Variants in SLC25A3 observed in about 807,000 individuals in gnomAD.
The protein encoded by SLC25A3 is solute carrier family 25 member 3.
Under a neutral mutation model 37.1 loss-of-function variants are expected in SLC25A3, and 14 were observed. That is an observed-to-expected ratio of 0.38 (90% CI 0.25 to 0.59). The LOEUF (loss-of-function observed/expected upper bound fraction) is 0.59. SLC25A3 is among the 20% of genes least tolerant of loss of function. The pLI, the probability that SLC25A3 is intolerant of heterozygous loss-of-function variation, is 0.67. For synonymous variants in SLC25A3, 161 were observed against 168.7 expected, an observed-to-expected ratio of 0.95 and a Z score of 0.36; for missense variants, 385 against 458.1, an observed-to-expected ratio of 0.84 and a Z score of 1.46.
In SLC25A3 at chr12:98,603,488, A is replaced by G. The variant is rs1475337117; in HGVS notation, c.*1960A>G. Reference sequence around the variant, plus strand: ...CCCAGATTGAGGAAAAAAGGAACATAGTCTCTACCTCTTCCTGAGAGGAAA... The same window carrying G: ...CCCAGATTGAGGAAAAAAGGAACATGGTCTCTACCTCTTCCTGAGAGGAAA... On this transcript the variant is annotated 3_prime_UTR_variant, in exon 8 of 8. Transcript: ENST00000552981. 6.6e-6 allele frequency: 1 copy of G among 152,198 alleles called. No individual in the cohort carries two copies. The highest frequency in any genetic ancestry group is 6.5e-5 in the Admixed American group (1 of 15,270). The allele number at this position is 152,198 out of a possible 1,614,324, so 9.4% of individuals were successfully genotyped here.
chr12:98,595,541 T>G (rs1317878731), intron 2 of SLC25A3, 186 bp from the exon 3 acceptor site: 1 of 1,614,200 alleles, frequency 6.2e-7, no homozygotes, highest in Non-Finnish European at 8.5e-7. Flanking sequence ...CTAGATCTGG[T>G]TAAATGCAGA....
At position 98,600,094 on chromosome 12, in the gene SLC25A3, C is replaced by A. The variant is rs762467445; in HGVS notation, c.781C>A (p.Gln261Lys). Residue 261 changes from glutamine (Q) to lysine (K), a missense_variant, in exon 6 of 8, where the codon CAG (glutamine) becomes AAG (lysine). Gln to Lys is a moderately conservative substitution (Grantham distance 53). Coordinates refer to ENST00000552981, the MANE Select transcript of SLC25A3 (RefSeq NM_002635.4). ...KPRSECSKPE[Q>K]LVVTFVAGYI... is the part of the protein sequence containing the mutation. The stretch of plus-strand genomic sequence containing the variant: ...CCGCAGTGAATGTTCAAAGCCAGAG[C>A]AGCTGGTTGTAACATTTGTAGCAGG... 1 of 1,613,604 alleles carries A rather than the reference C, an allele frequency of 6.2e-7. No individual in the cohort carries two copies. Among genetic ancestry groups the A allele is most frequent in the Non-Finnish European group, 8.5e-7 (1 of 1,179,448 alleles).
In SLC25A3 at chr12:98,594,108, C is replaced by T. The variant is rs1044154623; in HGVS notation, c.130C>T (p.Arg44Cys). The change falls in exon 2 of 8, where the codon CGC becomes TGC. Residue 44 changes from arginine (R) to cysteine (C), a missense_variant. Physicochemically the swap from Arg to Cys is radical, Grantham distance 180. Coordinates refer to ENST00000552981, the MANE Select transcript of SLC25A3 (RefSeq NM_002635.4). ...PGPTGQPRRP[R>C]NLAAAAVEEY... Reference sequence around the variant, plus strand: ...GCCCACGGGCCAGCCCCGCCGCCCTCGCAACCTGGCAGCCGCCGCCGTGGA... The same window carrying T: ...GCCCACGGGCCAGCCCCGCCGCCCTTGCAACCTGGCAGCCGCCGCCGTGGA... The T allele has an allele frequency of 6.2e-7, 1 of 1,611,540 alleles. No homozygotes were observed. The highest frequency in any genetic ancestry group is 1.3e-5 in the African/African-American group (1 of 74,904).
rs771278101 is a variant in SLC25A3, at chr12:98,598,684, A to G, written c.622A>G (p.Lys208Glu). 2 of 1,613,978 alleles carry G rather than the reference A, an allele frequency of 1.2e-6. No homozygotes were observed. Among genetic ancestry groups the G allele is most frequent in the South Asian group, 1.1e-5 (1 of 91,074 alleles). ...TLRDAAPKMY[K>E]EEGLKAFYKG... ...GAGGGATGCAGCTCCCAAAATGTAT[A>G]AGGAAGAAGGCCTAAAAGCGTAAGT... The change falls in exon 5 of 8, where the codon AAG becomes GAG. Residue 208 changes from lysine to glutamate, a missense_variant. By Grantham distance (56) the Lys-to-Glu change is moderately conservative (BLOSUM62 1). Around this residue, in one of 2 missense-constraint regions of SLC25A3, gnomAD observed 276 missense variants for 367.6 expected, o/e 0.75. Transcript: ENST00000552981.
chr12:98,598,704 G>GT lies in SLC25A3; in HGVS notation c.641+2dup. ...TGTATAAGGAAGAAGGCCTAAAAGC[G>GT]TAAGTAAACACTTAAAAATTTATAC... On this transcript the variant is annotated splice_donor_variant, in intron 5 of 7. Transcript: ENST00000552981. LOFTEE classifies it high-confidence loss of function. 1 of 1,611,596 alleles carries GT rather than the reference G, an allele frequency of 6.2e-7. No individual in the cohort carries two copies. The highest frequency in any genetic ancestry group is 8.5e-7 in the Non-Finnish European group (1 of 1,178,096).
In SLC25A3 at chr12:98,598,235, A is replaced by C. The variant is rs1592977357; in HGVS notation, c.459+200A>C. On this transcript the variant is annotated intron_variant, in intron 4 of 7. Coordinates refer to ENST00000552981, the MANE Select transcript of SLC25A3 (RefSeq NM_002635.4). Reference sequence around the variant, plus strand: ...ATTAAATTACAATTCTCCTTTTAATATACTATCTTGTTTTCTAAGTAAGTT... The same window carrying C: ...ATTAAATTACAATTCTCCTTTTAATCTACTATCTTGTTTTCTAAGTAAGTT... The C allele has an allele frequency of 7.4e-6, 5 of 678,090 alleles. No homozygotes were observed. The East Asian group carries it at 1.4e-4, about 18-fold the overall frequency. The allele number at this position is 678,090 out of a possible 1,614,324, so 42.0% of individuals were successfully genotyped here.
At chr12:98,595,513 C>A in intron 2 of SLC25A3, 1 of 1,613,892 alleles carries the variant, frequency 6.2e-7, no homozygotes, top group East Asian at 2.2e-5. Flanking sequence ...TGGCACAACA[C>A]ATACAGCATT....
chr12:98,599,839 T>C (rs756881343), intron 5 of SLC25A3, 116 bp from the exon 6 acceptor site: 5 of 1,032,950 alleles, frequency 4.8e-6, no homozygotes, highest in African/African-American at 4.7e-5. Context: ...CATGCATTTA[T>C]GCTGCCATTT....
rs1240652771 is a variant in SLC25A3, at chr12:98,604,243, ACT to A, written c.*2718_*2719del. ...CTCCAGCCTGGGCAACAACAGCGAA[ACT>A]CTGTCTCAAAAAAAAAAAATATATA... On this transcript the variant is annotated 3_prime_UTR_variant, in exon 8 of 8. Coordinates refer to ENST00000552981, the MANE Select transcript of SLC25A3 (RefSeq NM_002635.4). 5.2e-5 allele frequency: 6 copies of A among 115,644 alleles called. No homozygotes were observed. The highest frequency in any genetic ancestry group is 1.0e-4 in the Admixed American group (1 of 9,882). 7.2% of individuals were successfully genotyped at this position (115,644 alleles called of 1,614,324 possible). A position where few individuals can be genotyped will look rare whatever the true frequency, so the allele number is the denominator to read the frequency against.
chr12:98,604,263 A>AATATAT lies in SLC25A3; in HGVS notation c.*2754_*2759dup, dbSNP rs71436922. 1.0e-3 allele frequency: 135 copies of AATATAT among 134,568 alleles called. 1 individual carries two copies. Among genetic ancestry groups the AATATAT allele is most frequent in the African/African-American group, 3.0e-3 (106 of 34,880 alleles). The allele number at this position is 134,568 out of a possible 1,614,324, so 8.3% of individuals were successfully genotyped here. A position where few individuals can be genotyped will look rare whatever the true frequency, so the allele number is the denominator to read the frequency against. On this transcript the variant is annotated 3_prime_UTR_variant, in exon 8 of 8. Transcript: ENST00000552981. ...GCGAAACTCTGTCTCAAAAAAAAAA[A>AATATAT]ATATATATATATATATATATATATG...
At chr12:98,601,098 A>T in intron 6 of SLC25A3, 73 bp from the exon 7 acceptor site, 6 of 1,525,658 alleles carry the variant, frequency 3.9e-6, no homozygotes, top group Non-Finnish European at 5.3e-6. Flanking sequence ...TTTTAAAATC[A>T]TAAAAATGAT....
At chr12:98,598,180 T>A in intron 4 of SLC25A3, 145 bp downstream of exon 4, 1 of 768,772 alleles carries the variant, frequency 1.3e-6, no homozygotes, top group Non-Finnish European at 2.2e-6. Context: ...TATGCCTGTG[T>A]CAGCAGAGAC....
chr12:98,601,061 T>C, intron 6 of SLC25A3, 110 bp from the exon 7 acceptor site: 1 of 1,312,610 alleles, frequency 7.6e-7, no homozygotes, highest in Non-Finnish European at 1.1e-6. Context: ...TGAGTCTGAT[T>C]TTTATTTTAG....
rs2097600473 is a variant in SLC25A3 at position 98,604,988 on chromosome 12, C to T, written c.*3460C>T. ...ATGTTGCCAAGGCTAGTCTTGAACT[C>T]CTGAGCTCAAGCGAGCCTTCTGCCT... On this transcript the variant is annotated 3_prime_UTR_variant, in exon 8 of 8. Coordinates refer to ENST00000552981, the MANE Select transcript of SLC25A3 (RefSeq NM_002635.4). 6.6e-6 allele frequency: 1 copy of T among 152,282 alleles called. No individual in the cohort carries two copies. The highest frequency in any genetic ancestry group is 2.4e-5 in the African/African-American group (1 of 41,456). 9.4% of individuals were successfully genotyped at this position (152,282 alleles called of 1,614,324 possible). A position where few individuals can be genotyped will look rare whatever the true frequency, so the allele number is the denominator to read the frequency against.
chr12:98,595,728 G>A lies in SLC25A3; in HGVS notation c.159G>A (p.Glu53=), dbSNP rs776406438. The A allele has an allele frequency of 3.1e-6, 5 of 1,614,028 alleles. No homozygotes were observed. Among genetic ancestry groups the A allele is most frequent in the South Asian group, 1.1e-5 (1 of 91,080 alleles). Residue 53 remains glutamate (E), a splice_region_variant and synonymous_variant, in exon 3 of 8, where the codon GAG becomes GAA. Coordinates refer to ENST00000552981, the MANE Select transcript of SLC25A3 (RefSeq NM_002635.4). ...ATGGTGTGTCTTCTCTTACTACAGA[G>A]TACAGTTGTGAATTTGGCTCCGCGA... ...PRNLAAAAVE[E]YSCEFGSAKY...
rs1302964992 is a variant in SLC25A3 at position 98,604,263 on chromosome 12, A to AAATATAT, written c.*2736_*2737insATATATA. On this transcript the variant is annotated 3_prime_UTR_variant, in exon 8 of 8. Transcript: ENST00000552981. ...GCGAAACTCTGTCTCAAAAAAAAAA[A>AAATATAT]ATATATATATATATATATATATATG... The AAATATAT allele has an allele frequency of 1.0e-4, 14 of 134,578 alleles. No individual in the cohort carries two copies. The highest frequency in any genetic ancestry group is 4.0e-4 in the African/African-American group (14 of 34,890). The allele number at this position is 134,578 out of a possible 1,614,324, so 8.3% of individuals were successfully genotyped here. A position where few individuals can be genotyped will look rare whatever the true frequency, so the allele number is the denominator to read the frequency against.
intron 4 of SLC25A3, 32 bp downstream of exon 4, chr12:98,598,067 G>A: frequency 3.1e-6 from 5 of 1,599,870 alleles, no homozygotes; most frequent in South Asian, 2.2e-5. Flanking sequence ...TGAATGTTCC[G>A]AGTGTTTAAG....
rs113977517 is a variant in SLC25A3, at chr12:98,598,727, T to C, written c.641+24T>C. The C allele has an allele frequency of 2.2e-5, 35 of 1,593,760 alleles. 1 individual carries two copies. Among genetic ancestry groups the C allele is most frequent in the African/African-American group, 1.9e-4 (14 of 74,472 alleles). On this transcript the variant is annotated intron_variant, in intron 5 of 7. Transcript: ENST00000552981. ...GCGTAAGTAAACACTTAAAAATTTA[T>C]ACTATGAAAGTACTTATTTTAAGTG...
intron 3 of SLC25A3, among the ~76,000 whole-genome samples, chr12:98,596,664 A>C (rs2097593239): frequency 6.6e-6 from 1 of 152,186 alleles, no homozygotes; most frequent in African/African-American, 2.4e-5. Flanking sequence ...CTACTTAAAG[A>C]ACTAGCATAT....
Sources: gnomAD v4.1 joint callset for allele counts (sites outside exome capture counted in the v4.1 genomes callset) on GRCh38, gnomAD v4.1.1 for gene constraint, gnomAD v4.1.1 regional missense constraint, MANE v1.5 for transcripts, NCBI Gene and HGNC (gene_info 2026-07-23, HGNC 2026-07-21) for gene names.